Variants in KCNAB1 observed in about 807,000 individuals in gnomAD.
KCNAB1 encodes the protein potassium voltage-gated channel subfamily A regulatory beta subunit 1, also known as voltage-gated potassium channel subunit beta-1.
KCNAB1 carries 35 observed loss-of-function variants against 64.6 expected under a neutral mutation model. The ratio of observed to expected loss-of-function variants is 0.54; its 90% CI spans 0.41 to 0.72. KCNAB1 has a LOEUF of 0.72. Ranked by LOEUF, KCNAB1 falls within the 30% of genes least tolerant of loss-of-function variation. The probability of loss-of-function intolerance (pLI) is 0.00; values close to 1 mark genes in which losing one functional copy is unlikely to be tolerated. For synonymous variants in KCNAB1, 177 were observed against 183.8 expected (o/e 0.96, Z 0.30); for missense variants, 401 against 512.9 (o/e 0.78, Z 2.11).
chr3:156,239,944 A>G (rs6775600), intron 1 of KCNAB1, among the ~76,000 whole-genome samples: 112,038 of 152,018 alleles, frequency 0.74, 41,527 homozygotes, highest in East Asian at 0.9. Flanking sequence ...CAAGCTAGAG[A>G]TACTTTTAAA....
intron 1 of KCNAB1, among the ~76,000 whole-genome samples, chr3:156,279,187 GT>G (rs1166841340): frequency 6.9e-6 from 1 of 145,176 alleles, no homozygotes; most frequent in African/African-American, 2.6e-5. Flanking sequence ...TCATTGTTCA[GT>G]TCCCACCTAT....
At chr3:156,429,785 C>T (rs1716080303) in intron 2 of KCNAB1, among the ~76,000 whole-genome samples, 1 of 152,150 alleles carries the variant, frequency 6.6e-6, no homozygotes, top group Non-Finnish European at 1.5e-5. Flanking sequence ...TCCTGGGACA[C>T]TTGAGAGGTA....
chr3:156,161,413 A>G (rs550799094), intron 1 of KCNAB1, among the ~76,000 whole-genome samples: 2 of 152,180 alleles, frequency 1.3e-5, no homozygotes, highest in Non-Finnish European at 2.9e-5. Context: ...ACCTAACTGA[A>G]AGATGGAATA....
chr3:156,476,012 G>A (rs550923138), intron 8 of KCNAB1, among the ~76,000 whole-genome samples: 15 of 152,180 alleles, frequency 9.9e-5, no homozygotes, highest in African/African-American at 3.4e-4. Context: ...AATTTTCCAT[G>A]GAAATGACAT....
intron 1 of KCNAB1, among the ~76,000 whole-genome samples, chr3:156,354,102 GTATATA>G (rs1162327469): frequency 8.1e-6 from 1 of 123,660 alleles, no homozygotes; most frequent in African/African-American, 3.2e-5. Flanking sequence ...TATAATATAT[GTATATA>G]TATGTGTGTG....
chr3:156,505,036 G>A (rs1716742332), intron 8 of KCNAB1, among the ~76,000 whole-genome samples: 1 of 151,954 alleles, frequency 6.6e-6, no homozygotes, highest in African/African-American at 2.4e-5. Context: ...CATAGCTTCA[G>A]GTCAGGTCTT....
intron 2 of KCNAB1, among the ~76,000 whole-genome samples, chr3:156,448,758 A>C (rs1483552979): frequency 7.6e-6 from 1 of 131,518 alleles, no homozygotes; most frequent in Non-Finnish European, 1.5e-5. Flanking sequence ...GTTTGGTAGG[A>C]AATATTCATT....
intron 1 of KCNAB1, among the ~76,000 whole-genome samples, chr3:156,388,815 G>T (rs1712810042): frequency 1.3e-5 from 2 of 152,184 alleles, no homozygotes; most frequent in African/African-American, 4.8e-5. Flanking sequence ...CTCTTGAGAA[G>T]CCCACAACAG....
At chr3:156,367,270 G>T (rs1361862079) in intron 1 of KCNAB1, among the ~76,000 whole-genome samples, 4 of 151,166 alleles carry the variant, frequency 2.6e-5, no homozygotes, top group African/African-American at 9.8e-5. Context: ...CCACCTCCTG[G>T]GTTCACGCCA....
intron 1 of KCNAB1, among the ~76,000 whole-genome samples, chr3:156,395,001 C>G (rs1713321283): frequency 6.6e-6 from 1 of 152,198 alleles, no homozygotes; most frequent in Non-Finnish European, 1.5e-5. Context: ...TAGTATTGTG[C>G]ATTCTATTTC....
chr3:156,216,785 T>C (rs1417181815), intron 1 of KCNAB1, among the ~76,000 whole-genome samples: 1 of 152,060 alleles, frequency 6.6e-6, no homozygotes, highest in East Asian at 1.9e-4. Context: ...GATGAGGAAA[T>C]TGACTCTCAA....
chr3:156,388,677 A>G (rs1481553692), intron 1 of KCNAB1, among the ~76,000 whole-genome samples: 1 of 152,198 alleles, frequency 6.6e-6, no homozygotes, highest in Non-Finnish European at 1.5e-5. Flanking sequence ...TGGCCATGGA[A>G]ATAATTATGC....
chr3:156,293,653 C>T lies in KCNAB1; in HGVS notation c.276-127963C>T, dbSNP rs1225914082. 3.3e-5 allele frequency among the ~76,000 whole-genome samples: 5 copies of T among 152,228 alleles called. No homozygotes were observed. In the South Asian group the frequency reaches 1.0e-3, roughly 32 times the overall value. ...ACCCCAGCTGCAGTACAAATGTAAG[C>T]AGCCTGACTTAGGTCAACTCATTGA... On this transcript the variant is annotated intron_variant, in intron 1 of 13. Coordinates refer to ENST00000490337, the MANE Select transcript of KCNAB1 (RefSeq NM_172160.3).
At chr3:156,475,367 C>T (rs1714267274) in intron 8 of KCNAB1, among the ~76,000 whole-genome samples, 1 of 152,182 alleles carries the variant, frequency 6.6e-6, no homozygotes, top group Admixed American at 6.5e-5. Flanking sequence ...TTGAGGACCA[C>T]AGTTTAAGCT....
intron 8 of KCNAB1, among the ~76,000 whole-genome samples, chr3:156,488,774 T>G (rs1215718292): frequency 6.6e-6 from 1 of 152,078 alleles, no homozygotes; most frequent in Non-Finnish European, 1.5e-5. Flanking sequence ...GGGAGATATG[T>G]TAAAAAATGG....
intron 1 of KCNAB1, among the ~76,000 whole-genome samples, chr3:156,304,465 T>C (rs1188918936): frequency 6.6e-6 from 1 of 152,238 alleles, no homozygotes; most frequent in Non-Finnish European, 1.5e-5. Flanking sequence ...ATTGGACTTT[T>C]GATATCAATT....
rs775456127 is a variant in KCNAB1 at position 156,474,740 on chromosome 3, A to C, written c.578A>C (p.Lys193Thr). 2 of 1,613,014 alleles carry C rather than the reference A, an allele frequency of 1.2e-6. No homozygotes were observed. The highest frequency in any genetic ancestry group is 1.1e-5 in the South Asian group (1 of 91,058). Reference sequence around the variant, plus strand: ...TTCCTGCTTCTGCTCCCAGGATTGAAGGGCTCCCTCCAGAGGCTGCAGCTC... The same window carrying C: ...TTCCTGCTTCTGCTCCCAGGATTGACGGGCTCCCTCCAGAGGCTGCAGCTC... Reference protein sequence around the residue: ...LSRKHIIEGLKGSLQRLQLEY... With the variant: ...LSRKHIIEGLTGSLQRLQLEY... The change falls in exon 8 of 14, where the codon AAG (lysine) becomes ACG (threonine). Residue 193 changes from lysine to threonine, a missense_variant. Transcript: ENST00000490337.
chr3:156,173,536 A>G (rs1712149297), intron 1 of KCNAB1, among the ~76,000 whole-genome samples: 1 of 152,242 alleles, frequency 6.6e-6, no homozygotes, highest in Non-Finnish European at 1.5e-5. Flanking sequence ...TTTTACTTCC[A>G]GGTCTATCCA....
chr3:156,204,991 A>G (rs1714565306), intron 1 of KCNAB1, among the ~76,000 whole-genome samples: 2 of 152,250 alleles, frequency 1.3e-5, no homozygotes, highest in Non-Finnish European at 2.9e-5. Context: ...TTTCTATCAA[A>G]TAGCCAACAT....
Sources: gnomAD v4.1 joint callset for allele counts (sites outside exome capture counted in the v4.1 genomes callset) on GRCh38, gnomAD v4.1.1 for gene constraint, MANE v1.5 for transcripts, NCBI Gene and HGNC (gene_info 2026-07-23, HGNC 2026-07-21) for gene names.